The following CCND3 variants were observed in gnomAD, a reference collection of about 807,000 sequenced individuals.
CCND3 encodes the protein G1/S-specific cyclin-D3.
Under a neutral mutation model 28.7 loss-of-function variants are expected in CCND3, and 9 were observed. That is an observed-to-expected ratio of 0.31 (90% CI 0.19 to 0.55). The LOEUF (loss-of-function observed/expected upper bound fraction) is 0.55, where lower values mean the gene tolerates loss of function less well. Ranked by LOEUF, CCND3 falls within the 20% of genes least tolerant of loss-of-function variation. The pLI is 0.93. For missense variants in CCND3, 315 were observed against 385.8 expected (o/e 0.82, Z 1.54); for synonymous variants, 164 against 163.9 (o/e 1.00, Z 0.00).
intron 1 of CCND3, among the ~76,000 whole-genome samples, chr6:41,997,971 T>G (rs971174979): frequency 1.5e-5 from 1 of 65,656 alleles, no homozygotes; most frequent in East Asian, 4.5e-4. Flanking sequence ...CAAAACCCAG[T>G]ATCTACTAAA....
chr6:41,992,355 G>T (rs1336514984), intron 1 of CCND3, among the ~76,000 whole-genome samples: 2 of 151,320 alleles, frequency 1.3e-5, no homozygotes, highest in Admixed American at 6.6e-5. Context: ...TAAAGACGTG[G>T]TTTTACCATG....
At chr6:42,000,537 A>G (rs1379820791) in intron 1 of CCND3, among the ~76,000 whole-genome samples, 2 of 130,492 alleles carry the variant, frequency 1.5e-5, no homozygotes, top group Non-Finnish European at 3.2e-5. Context: ...CTGAAAACAT[A>G]CTTTCTAATA....
At position 41,936,521 on chromosome 6, in the gene CCND3, T is replaced by C. The variant is rs1368037990; in HGVS notation, c.711+38A>G. 2 of 1,611,268 alleles carry C rather than the reference T, an allele frequency of 1.2e-6. No individual in the cohort carries two copies. The highest frequency in any genetic ancestry group is 1.7e-6 in the Non-Finnish European group (2 of 1,178,420). On this transcript the variant is annotated intron_variant, in intron 4 of 4. Coordinates refer to ENST00000372991, the MANE Select transcript of CCND3 (RefSeq NM_001760.5). This position sits in a 1 kb window ranked among gnomAD's most constrained non-coding sequence, Gnocchi z 4.4. ...AGGCTCAGGGCATAGCACTACTTTA[T>C]GAATGGAGAGGCTGCTGCCCAGCTA...
intron 1 of CCND3, among the ~76,000 whole-genome samples, chr6:41,950,713 CTTTT>C: frequency 7.3e-6 from 1 of 137,198 alleles, no homozygotes; most frequent in South Asian, 2.4e-4. Flanking sequence ...TTTTTTTTTT[CTTTT>C]TTTTTTTTTG....
intron 1 of CCND3, among the ~76,000 whole-genome samples, chr6:41,953,832 G>C (rs776639553): frequency 6.6e-6 from 1 of 152,002 alleles, no homozygotes; most frequent in Non-Finnish European, 1.5e-5. Context: ...AGTGGGGCAC[G>C]GGAGGAAAAC....
intron 1 of CCND3, among the ~76,000 whole-genome samples, chr6:42,015,456 A>C (rs1054613600): frequency 2.6e-5 from 4 of 152,184 alleles, no homozygotes; most frequent in African/African-American, 4.8e-5. Flanking sequence ...CACGCCTGTA[A>C]TCCCAGCACT....
In CCND3 at chr6:42,048,949, CG is replaced by C. The variant is rs1764636253; in HGVS notation, c.-495del. ...TGTGGGCGGCGGGGCCGGGGCAGCA[CG>C]GGTTCCCGGACCGCTGCCTCCCGGC... On this transcript the variant is annotated 5_prime_UTR_variant, in exon 1 of 5. Coordinates refer to the CCND3 transcript ENST00000372988. The surrounding 1 kb of genome is among the most constrained non-coding windows in gnomAD (Gnocchi z 4.7). The C allele has an allele frequency of 9.5e-6, 2 of 209,652 alleles. No individual in the cohort carries two copies. The highest frequency in any genetic ancestry group is 4.8e-5 in the African/African-American group (2 of 41,710). The allele number at this position is 209,652 out of a possible 1,614,324, so 13.0% of individuals were successfully genotyped here.
At chr6:42,043,422 T>C (rs996042005) in intron 1 of CCND3, among the ~76,000 whole-genome samples, 3 of 152,098 alleles carry the variant, frequency 2.0e-5, no homozygotes, top group Non-Finnish European at 4.4e-5. Context: ...TCCTAGCTAC[T>C]TGGGAGGCTG....
chr6:41,990,992 T>A (rs2127416281), intron 1 of CCND3, among the ~76,000 whole-genome samples: 1 of 151,508 alleles, frequency 6.6e-6, no homozygotes, highest in Admixed American at 6.6e-5. Context: ...GCCAACTGAT[T>A]TTTGACAAAG....
intron 1 of CCND3, among the ~76,000 whole-genome samples, chr6:41,951,541 GACACACAC>G (rs1268678641): frequency 4.1e-4 from 32 of 78,028 alleles, no homozygotes; most frequent in East Asian, 9.4e-4. Context: ...CAGCCTGAGC[GACACACAC>G]ACACACACAC....
chr6:41,979,394 T>A (rs1197470001), intron 1 of CCND3, among the ~76,000 whole-genome samples: 1 of 151,040 alleles, frequency 6.6e-6, no homozygotes, highest in East Asian at 1.9e-4. Context: ...ATTAGTCTGG[T>A]GTGGTGGCAG....
intron 1 of CCND3, among the ~76,000 whole-genome samples, chr6:41,960,085 C>T (rs144142842): frequency 1.3e-4 from 20 of 152,240 alleles, no homozygotes; most frequent in Non-Finnish European, 2.4e-4. Context: ...TGCTACAACA[C>T]GGATGAGTCC....
chr6:41,996,151 GT>G (rs1276716786), intron 1 of CCND3, among the ~76,000 whole-genome samples: 42 of 127,060 alleles, frequency 3.3e-4, no homozygotes, highest in Non-Finnish European at 5.4e-4. Flanking sequence ...TTTTTTGTTT[GT>G]TTGTTTGTTT....
chr6:42,048,163 T>A lies in CCND3; in HGVS notation c.-46+338A>T, dbSNP rs1349228613. 1 of 200,020 alleles carries A rather than the reference T, an allele frequency of 5.0e-6. No individual in the cohort carries two copies. Among genetic ancestry groups the A allele is most frequent in the African/African-American group, 2.4e-5 (1 of 41,800 alleles). 12.4% of individuals were successfully genotyped at this position (200,020 alleles called of 1,614,324 possible). A position where few individuals can be genotyped will look rare whatever the true frequency, so the allele number is the denominator to read the frequency against. On this transcript the variant is annotated intron_variant, in intron 1 of 4. Coordinates refer to the CCND3 transcript ENST00000372988. This position sits in a 1 kb window ranked among gnomAD's most constrained non-coding sequence, Gnocchi z 4.7. Reference sequence around the variant, plus strand: ...TGCCAGAGCACTCACAGACTCCCCATCCACACTGGTCTGCCCTCCTACTGG... The same window carrying A: ...TGCCAGAGCACTCACAGACTCCCCAACCACACTGGTCTGCCCTCCTACTGG...
chr6:42,000,996 G>A (rs1274281017), intron 1 of CCND3, among the ~76,000 whole-genome samples: 3 of 151,708 alleles, frequency 2.0e-5, no homozygotes, highest in Non-Finnish European at 4.4e-5. Flanking sequence ...AGTACTTTGG[G>A]AGGCCGAGGC....
At chr6:42,023,329 T>C (rs1168630643) in intron 1 of CCND3, among the ~76,000 whole-genome samples, 4 of 152,226 alleles carry the variant, frequency 2.6e-5, no homozygotes, top group Non-Finnish European at 5.9e-5. Flanking sequence ...GATGACTGTA[T>C]GCGCCTTACA....
intron 1 of CCND3, among the ~76,000 whole-genome samples, chr6:41,972,227 C>CAAAA (rs56250051): frequency 1.8e-5 from 2 of 113,040 alleles, no homozygotes; most frequent in African/African-American, 3.4e-5. Flanking sequence ...GACTCCATCT[C>CAAAA]AAAAAAAAAA....
At chr6:41,993,108 G>C (rs149773966) in intron 1 of CCND3, among the ~76,000 whole-genome samples, 217 of 152,138 alleles carry the variant, frequency 1.4e-3, no homozygotes, top group African/African-American at 4.9e-3. Flanking sequence ...TTGATGTGTT[G>C]CTTAAAATGG....
chr6:42,004,068 A>G (rs977292521), intron 1 of CCND3, among the ~76,000 whole-genome samples: 14 of 143,710 alleles, frequency 9.7e-5, no homozygotes, highest in Admixed American at 7.1e-4. Flanking sequence ...ATATATATGT[A>G]TGTGTGTGTG....
Sources: gnomAD v4.1 joint callset for allele counts (sites outside exome capture counted in the v4.1 genomes callset) on GRCh38, gnomAD v4.1.1 for gene constraint, Gnocchi (gnomAD v3.1) non-coding constraint, MANE v1.5 for transcripts, NCBI Gene and HGNC (gene_info 2026-07-23, HGNC 2026-07-21) for gene names.